The following RP1 variants were observed in gnomAD, a reference collection of about 807,000 sequenced individuals.
RP1 encodes the protein RP1 axonemal microtubule associated.
Under a neutral mutation model 14.8 loss-of-function variants are expected in RP1, and 16 were observed. The observed-to-expected ratio is 1.08, with a 90% confidence interval of 0.73 to 1.65. The LOEUF is 1.65. Among genes scored for constraint, RP1 ranks in the 40% most tolerant of loss-of-function variants. RP1 has a pLI of 0.00. For synonymous variants in RP1, 876 were observed against 883.6 expected (o/e 0.99, Z 0.15); for missense variants, 2,631 against 2,535.0 (o/e 1.04, Z -0.81).
chr8:54,660,919 AG>A (rs1264386286), intron 6 of RP1, among the ~76,000 whole-genome samples: 2 of 152,072 alleles, frequency 1.3e-5, no homozygotes, highest in African/African-American at 2.4e-5. Flanking sequence ...CAAAGGTGAT[AG>A]ACCACTGTTA....
At chr8:54,789,253 A>G (rs1810403461) in intron 24 of RP1, among the ~76,000 whole-genome samples, 1 of 152,220 alleles carries the variant, frequency 6.6e-6, no homozygotes, top group African/African-American at 2.4e-5. Flanking sequence ...ACCATGGAGC[A>G]AAACTAGTGG....
intron 1 of RP1, among the ~76,000 whole-genome samples, chr8:54,609,818 C>A (rs1214638762): frequency 6.6e-6 from 1 of 152,178 alleles, no homozygotes; most frequent in African/African-American, 2.4e-5. Context: ...GAGACATACA[C>A]CTCTGTTGTG....
intron 1 of RP1, among the ~76,000 whole-genome samples, chr8:54,564,606 A>G (rs1804359654): frequency 6.6e-6 from 1 of 152,228 alleles, no homozygotes; most frequent in Admixed American, 6.5e-5. Flanking sequence ...TGTGACACAC[A>G]CTGAATAAGC....
intron 15 of RP1, among the ~76,000 whole-genome samples, chr8:54,718,800 ACAGTAAAATAAT>A (rs1808467246): frequency 6.6e-6 from 1 of 152,200 alleles, no homozygotes; most frequent in South Asian, 2.1e-4. Flanking sequence ...AGCTATAGAC[ACAGTAAAATAAT>A]CAGTGGTTGC....
chr8:54,844,925 G>T (rs1024374688), intron 25 of RP1, among the ~76,000 whole-genome samples: 2 of 152,090 alleles, frequency 1.3e-5, no homozygotes, highest in African/African-American at 2.4e-5. Context: ...ATTCTCTTAG[G>T]GGGAGCTCCT....
intron 1 of RP1, among the ~76,000 whole-genome samples, chr8:54,586,582 C>A (rs1031730082): frequency 6.6e-6 from 1 of 152,060 alleles, no homozygotes; most frequent in Non-Finnish European, 1.5e-5. Context: ...TTGGCTATGC[C>A]CTGCCCCCAG....
chr8:54,864,278 C>A (rs989804100), intron 27 of RP1, among the ~76,000 whole-genome samples: 2 of 151,994 alleles, frequency 1.3e-5, no homozygotes, highest in Non-Finnish European at 2.9e-5. Flanking sequence ...ACATTGAAAA[C>A]ACAAAGAAAA....
At chr8:54,825,279 C>T (rs1185613199) in intron 24 of RP1, among the ~76,000 whole-genome samples, 1 of 152,168 alleles carries the variant, frequency 6.6e-6, no homozygotes, top group Non-Finnish European at 1.5e-5. Context: ...TTCTTAATGG[C>T]AAAAAGCTGA....
chr8:54,643,518 T>G (rs978062223), intron 3 of RP1, among the ~76,000 whole-genome samples: 1 of 152,210 alleles, frequency 6.6e-6, no homozygotes, highest in Admixed American at 6.5e-5. Flanking sequence ...AGCTGTTACA[T>G]CTATTAGTAG....
intron 24 of RP1, among the ~76,000 whole-genome samples, chr8:54,806,219 G>T (rs930516893): frequency 3.3e-5 from 5 of 152,002 alleles, no homozygotes; most frequent in Non-Finnish European, 4.4e-5. Flanking sequence ...GGGTTTCACT[G>T]TGTTGGCTAG....
At chr8:54,805,688 A>G (rs1028783873) in intron 24 of RP1, among the ~76,000 whole-genome samples, 2 of 151,396 alleles carry the variant, frequency 1.3e-5, no homozygotes, top group Non-Finnish European at 2.9e-5. Flanking sequence ...GTGCATGCCC[A>G]TGGAGTGGAA....
At chr8:54,767,430 G>A (rs1054034695) in intron 22 of RP1, among the ~76,000 whole-genome samples, 1 of 151,312 alleles carries the variant, frequency 6.6e-6, no homozygotes, top group African/African-American at 2.4e-5. Flanking sequence ...AGCGATCTCA[G>A]CCTACTGCAA....
rs560852143 is a variant in RP1, at chr8:54,808,562, T to C, written c.3615+24852T>C. Among the ~76,000 whole-genome samples, 4 of 152,370 alleles carry C rather than the reference T, an allele frequency of 2.6e-5. No homozygotes were observed. The South Asian group carries it at 8.3e-4, about 32-fold the overall frequency. ...CTTAGCCTATTTTATGGGATTGGAATACCCAGCTAGTTGTTACAGAGCATG... is the reference window on the plus strand; with the variant it reads ...CTTAGCCTATTTTATGGGATTGGAACACCCAGCTAGTTGTTACAGAGCATG... On this transcript the variant is annotated intron_variant, in intron 24 of 28. Transcript: ENST00000637698.
At chr8:54,639,649 T>A (rs909412513) in intron 3 of RP1, among the ~76,000 whole-genome samples, 3 of 152,220 alleles carry the variant, frequency 2.0e-5, no homozygotes, top group African/African-American at 7.2e-5. Flanking sequence ...TTCTAATGAC[T>A]ATTGATGTTG....
At chr8:54,575,723 T>C (rs990276707) in intron 1 of RP1, among the ~76,000 whole-genome samples, 2 of 152,202 alleles carry the variant, frequency 1.3e-5, no homozygotes, top group Non-Finnish European at 2.9e-5. Context: ...GCACAGATTA[T>C]TTTGTCACCC....
At chr8:54,679,281 A>T (rs1298568717) in intron 9 of RP1, 4 of 708,338 alleles carry the variant, frequency 5.6e-6, no homozygotes, top group Non-Finnish European at 9.5e-6. Context: ...TCCATTCTGT[A>T]CTGCTCTGCC....
At chr8:54,710,501 A>C (rs893415466) in intron 15 of RP1, among the ~76,000 whole-genome samples, 4 of 152,064 alleles carry the variant, frequency 2.6e-5, no homozygotes, top group Non-Finnish European at 5.9e-5. Context: ...GCTGCCCTCC[A>C]CTGGTGAGGG....
At chr8:54,597,509 T>C (rs1036073999) in intron 1 of RP1, among the ~76,000 whole-genome samples, 5 of 152,198 alleles carry the variant, frequency 3.3e-5, no homozygotes, top group South Asian at 2.1e-4. Context: ...CTGGGAATTA[T>C]GGCTCCCTCA....
chr8:54,721,395 T>C (rs1808534152), intron 16 of RP1, among the ~76,000 whole-genome samples: 1 of 151,072 alleles, frequency 6.6e-6, no homozygotes, highest in African/African-American at 2.4e-5. Flanking sequence ...AATACAGGAG[T>C]AGAAAAAGAG....
Sources: gnomAD v4.1 joint callset for allele counts (sites outside exome capture counted in the v4.1 genomes callset) on GRCh38, gnomAD v4.1.1 for gene constraint, MANE v1.5 for transcripts, NCBI Gene and HGNC (gene_info 2026-07-23, HGNC 2026-07-21) for gene names.